The following RNF150 variants were observed in gnomAD, a reference collection of about 807,000 sequenced individuals.
The protein encoded by RNF150 is ring finger protein 150.
In RNF150, 24 loss-of-function variants were observed where a neutral mutation model predicts 39.3. The observed-to-expected ratio is 0.61, with a 90% CI of 0.44 to 0.86. The LOEUF is 0.86. Among genes scored for constraint, RNF150 ranks in the 40% least tolerant of loss-of-function variants. The probability of loss-of-function intolerance (pLI) is 0.00; values close to 1 mark genes in which losing one functional copy is unlikely to be tolerated. For synonymous variants in RNF150, 255 were observed against 227.3 expected (o/e 1.12, Z -1.10); for missense variants, 502 against 587.8 (o/e 0.85, Z 1.51).
intron 1 of RNF150, among the ~76,000 whole-genome samples, chr4:140,975,471 T>A (rs1579019801): frequency 6.6e-6 from 1 of 152,102 alleles, no homozygotes; most frequent in African/African-American, 2.4e-5. Flanking sequence ...TATTTCCCAT[T>A]GTGTGTGTAT....
chr4:140,985,840 A>C (rs1367273710), intron 1 of RNF150, among the ~76,000 whole-genome samples: 1 of 152,070 alleles, frequency 6.6e-6, no homozygotes, highest in Non-Finnish European at 1.5e-5. Context: ...TGGCCACCTA[A>C]AAATTTAAAA....
intron 1 of RNF150, among the ~76,000 whole-genome samples, chr4:141,100,298 T>G (rs1259389836): frequency 1.3e-5 from 2 of 152,094 alleles, no homozygotes; most frequent in Non-Finnish European, 2.9e-5. Flanking sequence ...CCAGGAAGAG[T>G]TAAATATATA....
At chr4:140,897,923 G>A (rs1359155010) in intron 6 of RNF150, among the ~76,000 whole-genome samples, 3 of 152,108 alleles carry the variant, frequency 2.0e-5, no homozygotes, top group Non-Finnish European at 4.4e-5. Flanking sequence ...GCAGGGTTGG[G>A]CCTTGACCTA....
intron 1 of RNF150, among the ~76,000 whole-genome samples, chr4:141,183,595 G>T (rs139938095): frequency 0.02 from 3,079 of 152,052 alleles, 118 homozygotes; most frequent in African/African-American, 0.07. Flanking sequence ...GTGCAGGTTT[G>T]TTATATATGT....
intron 1 of RNF150, among the ~76,000 whole-genome samples, chr4:141,204,613 CTG>C (rs1178673755): frequency 6.6e-6 from 1 of 152,118 alleles, no homozygotes; most frequent in Non-Finnish European, 1.5e-5. Flanking sequence ...AGAAGACAAA[CTG>C]AGGTTATTGT....
At chr4:140,908,891 G>A (rs1730489854) in intron 6 of RNF150, among the ~76,000 whole-genome samples, 2 of 152,132 alleles carry the variant, frequency 1.3e-5, no homozygotes, top group Admixed American at 6.5e-5. Context: ...GACAGATGAC[G>A]TATCTTCTCT....
intron 6 of RNF150, among the ~76,000 whole-genome samples, chr4:140,889,672 T>C (rs1351168152): frequency 6.6e-6 from 1 of 152,194 alleles, no homozygotes; most frequent in Non-Finnish European, 1.5e-5. Context: ...TAAGTGTCAA[T>C]GCTTAATGAT....
intron 6 of RNF150, among the ~76,000 whole-genome samples, chr4:140,896,856 C>T (rs539305051): frequency 6.6e-6 from 1 of 151,960 alleles, no homozygotes; most frequent in African/African-American, 2.4e-5. Flanking sequence ...CACATCAGGT[C>T]GGGGATGTTT....
At chr4:141,067,285 T>G (rs915580903) in intron 1 of RNF150, among the ~76,000 whole-genome samples, 21 of 152,200 alleles carry the variant, frequency 1.4e-4, no homozygotes, top group African/African-American at 4.6e-4. Context: ...GAATGTGAAA[T>G]CATCCTTAAG....
rs139504767 is a variant in RNF150 at position 141,132,482 on chromosome 4, G to C, written c.327C>G (p.Ala109=). The C allele has an allele frequency of 3.3e-4, 525 of 1,608,018 alleles. 3 individuals are homozygous for C. The African/African-American group carries it at 6.1e-3, about 19-fold the overall frequency. Reference sequence around the variant, plus strand: ...TCCAGTTCTTGCCGCGGGTCGGGGCGGCGAACTTGGTGTTGGGGTCGCAGG... The same window carrying C: ...TCCAGTTCTTGCCGCGGGTCGGGGCCGCGAACTTGGTGTTGGGGTCGCAGG... The part of the protein sequence containing the change: ...RLACDPNTKF[A]APTRGKNWIA... Residue 109 remains alanine (A), a synonymous_variant, in exon 1 of 7, where the codon GCC becomes GCG. Transcript: ENST00000515673. The surrounding 1 kb of genome is among the most constrained non-coding windows in gnomAD (Gnocchi z 4.9).
At chr4:141,154,767 G>A (rs1727355543) in intron 1 of RNF150, among the ~76,000 whole-genome samples, 1 of 152,296 alleles carries the variant, frequency 6.6e-6, no homozygotes, top group South Asian at 2.1e-4. Flanking sequence ...TTTGAAGGAT[G>A]AAAGAACACA....
chr4:140,950,272 C>A (rs1003549921), intron 2 of RNF150, among the ~76,000 whole-genome samples: 1 of 152,204 alleles, frequency 6.6e-6, no homozygotes, highest in African/African-American at 2.4e-5. Context: ...CATTTAAACA[C>A]AGACTAATCA....
chr4:141,152,071 G>A lies in RNF150; in HGVS notation c.-6+60723C>T, dbSNP rs188386353. On this transcript the variant is annotated intron_variant, in intron 1 of 7. Transcript: ENST00000420921. The stretch of plus-strand genomic sequence containing the variant: ...TTGTCATTTGATCAATTTTAACAAT[G>A]GCTTTTATGTAATCTGTTAATCCCT... Among the ~76,000 whole-genome samples the A allele has an allele frequency of 1.8e-3, 271 of 152,206 alleles. 4 individuals are homozygous for A. In the South Asian group the frequency reaches 0.018, roughly 10 times the overall value.
chr4:141,209,886 C>A (rs1281584036), intron 1 of RNF150, among the ~76,000 whole-genome samples: 1 of 151,918 alleles, frequency 6.6e-6, no homozygotes, highest in Non-Finnish European at 1.5e-5. Context: ...ATTTTAATGG[C>A]AATATAATAA....
At chr4:140,963,030 T>C (rs1346091524) in intron 2 of RNF150, among the ~76,000 whole-genome samples, 1 of 152,036 alleles carries the variant, frequency 6.6e-6, no homozygotes, top group Admixed American at 6.6e-5. Flanking sequence ...ATAGATAGAA[T>C]TAAAAATACC....
chr4:141,028,459 C>A lies in RNF150; in HGVS notation c.485-60586G>T, dbSNP rs140147926. Among the ~76,000 whole-genome samples the A allele has an allele frequency of 1.9e-3, 287 of 152,234 alleles. 1 individual carries two copies. Among genetic ancestry groups the A allele is most frequent in the African/African-American group, 6.7e-3 (279 of 41,534 alleles). On this transcript the variant is annotated intron_variant, in intron 1 of 6. Transcript: ENST00000515673. ...AAAAAGAATAAAAGCCTGTTCCCTA[C>A]TGGAAAAATTTGGAATTTTGCCATA...
intron 1 of RNF150, among the ~76,000 whole-genome samples, chr4:141,041,398 G>A (rs550893006): frequency 6.6e-6 from 1 of 152,068 alleles, no homozygotes; most frequent in African/African-American, 2.4e-5. Flanking sequence ...AATGCCATAG[G>A]ATGGCAGAAA....
intron 1 of RNF150, among the ~76,000 whole-genome samples, chr4:141,166,895 G>A (rs2572241): frequency 0.37 from 56,568 of 151,972 alleles, 12,948 homozygotes; most frequent in Non-Finnish European, 0.5. Flanking sequence ...AGACAAGGAT[G>A]CCCTCTCTCA....
intron 6 of RNF150, among the ~76,000 whole-genome samples, chr4:140,905,883 G>A (rs1040957842): frequency 3.3e-5 from 5 of 152,260 alleles, no homozygotes; most frequent in African/African-American, 1.2e-4. Flanking sequence ...TCCTAGAGGT[G>A]AATGGGGTTA....
Sources: gnomAD v4.1 joint callset for allele counts (sites outside exome capture counted in the v4.1 genomes callset) on GRCh38, gnomAD v4.1.1 for gene constraint, Gnocchi (gnomAD v3.1) non-coding constraint, MANE v1.5 for transcripts, NCBI Gene and HGNC (gene_info 2026-07-23, HGNC 2026-07-21) for gene names.